Variants in LNX2 observed in about 807,000 individuals in gnomAD.
LNX2 encodes ligand of numb-protein X 2.
Under a neutral mutation model 66.2 loss-of-function variants are expected in LNX2, and 35 were observed. The ratio of observed to expected loss-of-function variants is 0.53; its 90% CI spans 0.40 to 0.70. The LOEUF (loss-of-function observed/expected upper bound fraction) is 0.70, where lower values mean the gene tolerates loss of function less well. Among genes scored for constraint, LNX2 ranks in the 30% least tolerant of loss-of-function variants. The pLI is 0.00. For synonymous variants in LNX2, 337 were observed against 315.6 expected (o/e 1.07, Z -0.72); for missense variants, 791 against 850.8 (o/e 0.93, Z 0.87).
At chr13:27,556,914 C>G (rs1955068195) in intron 6 of LNX2, among the ~76,000 whole-genome samples, 1 of 152,158 alleles carries the variant, frequency 6.6e-6, no homozygotes, top group Non-Finnish European at 1.5e-5. Context: ...AGTGCTCAAT[C>G]ATGAAGAAGA....
chr13:27,570,955 T>C (rs895644023), intron 2 of LNX2, among the ~76,000 whole-genome samples: 5 of 152,168 alleles, frequency 3.3e-5, no homozygotes, highest in Non-Finnish European at 7.3e-5. Context: ...CAAAAATAAC[T>C]TTTAAAAGGA....
chr13:27,546,726 C>T lies in LNX2; in HGVS notation c.*1609G>A, dbSNP rs1369920481. 6.6e-6 allele frequency: 1 copy of T among 152,028 alleles called. No individual in the cohort carries two copies. The highest frequency in any genetic ancestry group is 1.5e-5 in the Non-Finnish European group (1 of 67,992). The allele number at this position is 152,028 out of a possible 1,614,324, so 9.4% of individuals were successfully genotyped here. A position where few individuals can be genotyped will look rare whatever the true frequency, so the allele number is the denominator to read the frequency against. On this transcript the variant is annotated 3_prime_UTR_variant, in exon 10 of 10. Coordinates refer to ENST00000316334, the MANE Select transcript of LNX2 (RefSeq NM_153371.4). ...GAAATACATTCTCTGATTATCAATACCATTTATTACAGAGGTCACTTGTAA... is the reference window on the plus strand; with the variant it reads ...GAAATACATTCTCTGATTATCAATATCATTTATTACAGAGGTCACTTGTAA...
intron 1 of LNX2, among the ~76,000 whole-genome samples, chr13:27,616,192 G>GC (rs1453479215): frequency 6.6e-5 from 10 of 150,664 alleles, no homozygotes; most frequent in African/African-American, 2.2e-4. Context: ...GGGGTTGGGG[G>GC]GGGTAGCAGG....
intron 1 of LNX2, among the ~76,000 whole-genome samples, chr13:27,586,361 G>A (rs1347809682): frequency 2.0e-5 from 3 of 152,094 alleles, no homozygotes; most frequent in African/African-American, 7.2e-5. Flanking sequence ...GTTTTGGAAG[G>A]AGAAAGGCAT....
chr13:27,587,863 T>C lies in LNX2; in HGVS notation c.-100-6060A>G, dbSNP rs7491045. Among the ~76,000 whole-genome samples the C allele has an allele frequency of 8.1e-3, 1,225 of 151,662 alleles. 18 individuals carry two copies. Among genetic ancestry groups the C allele is most frequent in the Middle Eastern group, 0.037 (11 of 294 alleles). ...AGTGAAACCCCATCTCTACTAAAAA[T>C]ACAAAAAATTAGCCGGGCATGGTGG... On this transcript the variant is annotated intron_variant, in intron 1 of 9. Transcript: ENST00000316334.
At chr13:27,583,470 C>A (rs531419787) in intron 1 of LNX2, among the ~76,000 whole-genome samples, 3 of 151,914 alleles carry the variant, frequency 2.0e-5, no homozygotes, top group Non-Finnish European at 4.4e-5. Context: ...ATTGGCCAGG[C>A]GGGTCTCAAA....
At chr13:27,573,069 T>C (rs936671946) in intron 2 of LNX2, among the ~76,000 whole-genome samples, 14 of 152,144 alleles carry the variant, frequency 9.2e-5, no homozygotes, top group Non-Finnish European at 2.1e-4. Context: ...ATTATAGCAG[T>C]AGGGAGAACA....
At chr13:27,570,255 G>C (rs886751112) in intron 2 of LNX2, among the ~76,000 whole-genome samples, 5 of 152,178 alleles carry the variant, frequency 3.3e-5, no homozygotes, top group African/African-American at 1.2e-4. Flanking sequence ...ATTAGCTACA[G>C]TAACGCTTGG....
intron 1 of LNX2, among the ~76,000 whole-genome samples, chr13:27,607,914 A>C (rs1955734749): frequency 6.6e-6 from 1 of 152,226 alleles, no homozygotes; most frequent in African/African-American, 2.4e-5. Flanking sequence ...AACCAGCATA[A>C]CAGACCATTG....
intron 1 of LNX2, among the ~76,000 whole-genome samples, chr13:27,590,189 T>C (rs1202389030): frequency 6.6e-6 from 1 of 152,122 alleles, no homozygotes; most frequent in East Asian, 1.9e-4. Context: ...AAAAGTGCTA[T>C]TTAGGAGATG....
chr13:27,562,449 C>T lies in LNX2; in HGVS notation c.1188G>A (p.Lys396=), dbSNP rs752084909. The T allele has an allele frequency of 5.6e-6, 9 of 1,613,986 alleles. No homozygotes were observed. Among genetic ancestry groups the T allele is most frequent in the African/African-American group, 4.0e-5 (3 of 74,946 alleles). The change falls in exon 5 of 10, where the codon AAG becomes AAA. Residue 396 remains lysine, a synonymous_variant. Transcript: ENST00000316334. The part of the protein sequence containing the change: ...RVLAINGHDL[K]YGTPELAAQI... ...GGGCAGCAAGCTCCGGAGTTCCATA[C>T]TTCAGGTCGTGCCCATTGATGGCCA...
chr13:27,598,302 A>G (rs1249177235), intron 1 of LNX2, among the ~76,000 whole-genome samples: 1 of 152,152 alleles, frequency 6.6e-6, no homozygotes. Flanking sequence ...AGCTAGAAAA[A>G]GGTTGAGATG....
At chr13:27,549,966 A>G (rs1954986517) in intron 9 of LNX2, among the ~76,000 whole-genome samples, 1 of 152,232 alleles carries the variant, frequency 6.6e-6, no homozygotes, top group Non-Finnish European at 1.5e-5. Context: ...GATGAATGAA[A>G]TATGTCCAAT....
At chr13:27,573,865 T>C (rs1955313926) in intron 2 of LNX2, among the ~76,000 whole-genome samples, 1 of 149,976 alleles carries the variant, frequency 6.7e-6, no homozygotes, top group Non-Finnish European at 1.5e-5. Context: ...ATTTAAAATG[T>C]CCACTGTTCA....
At position 27,604,273 on chromosome 13, in the gene LNX2, C is replaced by T. The variant is rs371706231; in HGVS notation, c.-101+16102G>A. On this transcript the variant is annotated intron_variant, in intron 1 of 9. Coordinates refer to ENST00000316334, the MANE Select transcript of LNX2 (RefSeq NM_153371.4). ...AAATCACAGTATAAAATGAACCACG[C>T]TCTTTCCATGCTATGCTATGGTACC... Among the ~76,000 whole-genome samples the T allele has an allele frequency of 5.3e-5, 8 of 152,364 alleles. No homozygotes were observed. In the East Asian group the frequency reaches 1.4e-3, roughly 26 times the overall value.
At chr13:27,589,546 T>A (rs1201312369) in intron 1 of LNX2, among the ~76,000 whole-genome samples, 1 of 152,184 alleles carries the variant, frequency 6.6e-6, no homozygotes, top group Non-Finnish European at 1.5e-5. Context: ...TTGTGGCTAA[T>A]AGAAAATTTA....
At chr13:27,602,694 A>G (rs73448805) in intron 1 of LNX2, among the ~76,000 whole-genome samples, 3,393 of 152,270 alleles carry the variant, frequency 0.022, 137 homozygotes, top group African/African-American at 0.077. Context: ...AATACCTAAG[A>G]GTAGAAGGGT....
intron 1 of LNX2, among the ~76,000 whole-genome samples, chr13:27,612,043 A>G (rs2138481710): frequency 6.6e-6 from 1 of 152,360 alleles, no homozygotes; most frequent in South Asian, 2.1e-4. Context: ...TTGGAAAAAC[A>G]GATCTGAGAC....
intron 1 of LNX2, among the ~76,000 whole-genome samples, chr13:27,610,582 A>G (rs942612254): frequency 1.3e-5 from 2 of 152,210 alleles, no homozygotes; most frequent in African/African-American, 4.8e-5. Context: ...ACTTCATGAC[A>G]CTGGATTTGG....
Sources: allele counts gnomAD v4.1 joint callset (sites outside exome capture counted in the v4.1 genomes callset), GRCh38; gene constraint gnomAD v4.1.1; transcripts MANE v1.5; gene names NCBI Gene and HGNC (gene_info 2026-07-23, HGNC 2026-07-21).